The following ASB3 variants were observed in gnomAD, a reference collection of about 807,000 sequenced individuals.
ASB3 encodes ankyrin repeat and SOCS box protein 3.
ASB3 carries 41 observed loss-of-function variants against 54.5 expected under a neutral mutation model. The observed-to-expected ratio is 0.75, with a 90% CI of 0.59 to 0.98. The LOEUF (loss-of-function observed/expected upper bound fraction) is 0.98, where lower values mean the gene tolerates loss of function less well. ASB3 is among the 50% of genes least tolerant of loss of function. The pLI, the probability that ASB3 is intolerant of heterozygous loss-of-function variation, is 0.00. For synonymous variants in ASB3, 266 were observed against 221.2 expected (o/e 1.20, Z -1.80); for missense variants, 733 against 620.0 (o/e 1.18, Z -1.94).
chr2:53,735,967 T>G (rs1464289161), intron 3 of ASB3, among the ~76,000 whole-genome samples: 1 of 147,848 alleles, frequency 6.8e-6, no homozygotes, highest in South Asian at 2.1e-4. Flanking sequence ...CGAATTAAAT[T>G]CCAGATTGGA....
chr2:53,761,764 T>C (rs1673161721), intron 2 of ASB3, among the ~76,000 whole-genome samples: 1 of 152,248 alleles, frequency 6.6e-6, no homozygotes, highest in African/African-American at 2.4e-5. Context: ...TATATTCTAT[T>C]GGTTCTATTT....
chr2:53,748,925 G>A (rs1672373842), intron 3 of ASB3, among the ~76,000 whole-genome samples: 1 of 151,996 alleles, frequency 6.6e-6, no homozygotes, highest in Non-Finnish European at 1.5e-5. Context: ...TCATCATATG[G>A]TAGTCAGAAT....
intron 9 of ASB3, among the ~76,000 whole-genome samples, chr2:53,673,201 G>C (rs984935614): frequency 2.0e-5 from 3 of 152,166 alleles, no homozygotes; most frequent in Non-Finnish European, 4.4e-5. Flanking sequence ...TATTCAGTTA[G>C]AGTTTAACAG....
chr2:53,778,818 G>A (rs1674494997), intron 1 of ASB3, among the ~76,000 whole-genome samples: 1 of 152,142 alleles, frequency 6.6e-6, no homozygotes, highest in Non-Finnish European at 1.5e-5. Flanking sequence ...TCCGTATCTT[G>A]GCTATTGTGA....
At chr2:53,720,076 C>T (rs1670613261) in intron 5 of ASB3, among the ~76,000 whole-genome samples, 1 of 151,982 alleles carries the variant, frequency 6.6e-6, no homozygotes, top group Non-Finnish European at 1.5e-5. Flanking sequence ...CAAAGTCATC[C>T]CTCTGCTCAC....
chr2:53,780,722 G>A (rs1190887771), intron 1 of ASB3, among the ~76,000 whole-genome samples: 1 of 152,124 alleles, frequency 6.6e-6, no homozygotes, highest in Non-Finnish European at 1.5e-5. Context: ...AGGCTGCAGT[G>A]AGCTATCATA....
At chr2:53,720,229 A>G (rs1444453447) in intron 5 of ASB3, among the ~76,000 whole-genome samples, 1 of 152,112 alleles carries the variant, frequency 6.6e-6, no homozygotes, top group Non-Finnish European at 1.5e-5. Flanking sequence ...TTTTCCAGAC[A>G]GAACCAATGT....
intron 2 of ASB3, among the ~76,000 whole-genome samples, chr2:53,751,281 A>T (rs1307731524): frequency 6.6e-6 from 1 of 152,146 alleles, no homozygotes; most frequent in Non-Finnish European, 1.5e-5. Flanking sequence ...CTTAAACAGA[A>T]TTTATCGAAA....
At chr2:53,692,192 T>A (rs1471014842) in intron 9 of ASB3, among the ~76,000 whole-genome samples, 1 of 152,046 alleles carries the variant, frequency 6.6e-6, no homozygotes, top group African/African-American at 2.4e-5. Flanking sequence ...ATGGATGAAA[T>A]AACAAACAGC....
chr2:53,689,226 C>T (rs1283175775), intron 9 of ASB3, among the ~76,000 whole-genome samples: 1 of 151,820 alleles, frequency 6.6e-6, no homozygotes, highest in African/African-American at 2.4e-5. Context: ...AGAGCTTCAA[C>T]CTTTAACCAT....
At position 53,714,438 on chromosome 2, in the gene ASB3, TG is replaced by T; in HGVS notation, c.925del (p.Gln309ArgfsTer26). On this transcript the variant is annotated frameshift_variant, in exon 7 of 10. Coordinates refer to ENST00000263634, the MANE Select transcript of ASB3 (RefSeq NM_016115.5). LOFTEE classifies it high-confidence loss of function. ...ACTGAATCCAAAAACAAGGCACGCC[TG>T]GGCGTCTGGGCTGTAGCCATTCCGG... ...LLRNGYSPDA[Q>X]ACLVFGFSSP... is the part of the protein sequence containing the mutation. 6.2e-7 allele frequency: 1 copy of T among 1,614,246 alleles called. No individual in the cohort carries two copies.
At chr2:53,720,419 C>A (rs1200064429) in intron 5 of ASB3, among the ~76,000 whole-genome samples, 2 of 152,030 alleles carry the variant, frequency 1.3e-5, no homozygotes, top group African/African-American at 4.8e-5. Context: ...ATTTGGGGTT[C>A]ACAGCAACAC....
chr2:53,739,633 T>A (rs1468780861), intron 3 of ASB3, among the ~76,000 whole-genome samples: 1 of 152,184 alleles, frequency 6.6e-6, no homozygotes, highest in Non-Finnish European at 1.5e-5. Context: ...TACAGTGAGT[T>A]TTATCTCTAT....
rs376224250 is a variant in ASB3 at position 53,693,876 on chromosome 2, T to C, written c.1369+8A>G. ...AGTGAAGTGTGTTTAAAAGTTATTC[T>C]TTCTTACCAATATGTTGCTGTAGAA... On this transcript the variant is annotated splice_region_variant and intron_variant, in intron 9 of 9. Coordinates refer to ENST00000263634, the MANE Select transcript of ASB3 (RefSeq NM_016115.5). The C allele has an allele frequency of 6.2e-7, 1 of 1,612,286 alleles. No homozygotes were observed.
At chr2:53,682,001 T>C (rs1049689309) in intron 9 of ASB3, among the ~76,000 whole-genome samples, 1 of 151,672 alleles carries the variant, frequency 6.6e-6, no homozygotes, top group African/African-American at 2.4e-5. Flanking sequence ...CTACTAAAAG[T>C]ACAAAAAAAT....
chr2:53,727,983 C>T (rs1458274847), intron 5 of ASB3, among the ~76,000 whole-genome samples: 1 of 152,062 alleles, frequency 6.6e-6, no homozygotes, highest in Non-Finnish European at 1.5e-5. Context: ...ACCTTGGCCT[C>T]CCAAAGTGCT....
intron 7 of ASB3, among the ~76,000 whole-genome samples, chr2:53,708,101 G>A (rs949704959): frequency 6.6e-6 from 1 of 152,188 alleles, no homozygotes; most frequent in Non-Finnish European, 1.5e-5. Context: ...GTAATCCCCA[G>A]TGTTGAAGGT....
intron 3 of ASB3, among the ~76,000 whole-genome samples, chr2:53,729,886 G>C (rs193004108): frequency 1.3e-5 from 2 of 152,300 alleles, no homozygotes. Context: ...ATATAAGGTG[G>C]ACAATTCAGA....
intron 8 of ASB3, among the ~76,000 whole-genome samples, chr2:53,699,856 T>C (rs1010075741): frequency 2.0e-5 from 3 of 152,204 alleles, no homozygotes; most frequent in Non-Finnish European, 4.4e-5. Flanking sequence ...TCAGTATTTA[T>C]TAAGGGTGAC....
Sources: gnomAD v4.1 joint callset for allele counts (sites outside exome capture counted in the v4.1 genomes callset) on GRCh38, gnomAD v4.1.1 for gene constraint, MANE v1.5 for transcripts, NCBI Gene and HGNC (gene_info 2026-07-23, HGNC 2026-07-21) for gene names.